Variants in SCAP observed in about 807,000 individuals in gnomAD.
SCAP encodes SREBF chaperone.
In SCAP, 65 loss-of-function variants were observed where a neutral mutation model predicts 123.6. The ratio of observed to expected loss-of-function variants is 0.53; its 90% confidence interval spans 0.43 to 0.65. The LOEUF (loss-of-function observed/expected upper bound fraction) is 0.65. Among genes scored for constraint, SCAP ranks in the 30% least tolerant of loss-of-function variants. SCAP has a pLI of 0.00. For missense variants in SCAP, 1,398 were observed against 1,712.5 expected (o/e 0.82, Z 3.24); for synonymous variants, 740 against 726.3 (o/e 1.02, Z -0.30).
At chr3:47,455,134 C>G (rs1376556467) in intron 1 of SCAP, among the ~76,000 whole-genome samples, 1 of 146,404 alleles carries the variant, frequency 6.8e-6, no homozygotes, top group African/African-American at 2.5e-5. Context: ...AAAGAATCAC[C>G]ATAAGGTAGT....
rs1217268319 is a variant in SCAP, at chr3:47,414,235, T to C, written c.3539A>G (p.Asp1180Gly). Reference protein sequence around the residue: ...TSCVISSGLDDLISIWDRSTG... With the variant: ...TSCVISSGLDGLISIWDRSTG... ...GCTGCGGTCCCAGATGCTGATGAGGTCATCCAGGCCACTGCTGATGACACA... is the reference window on the plus strand; with the variant it reads ...GCTGCGGTCCCAGATGCTGATGAGGCCATCCAGGCCACTGCTGATGACACA... The change falls in exon 22 of 23, where the codon GAC becomes GGC. Residue 1180 changes from aspartate to glycine, a missense_variant. This residue lies in a region of SCAP where 130 missense variants were observed against 166.7 expected (regional missense o/e 0.78). Transcript: ENST00000265565. 10 of 1,613,464 alleles carry C rather than the reference T, an allele frequency of 6.2e-6. No individual in the cohort carries two copies. The highest frequency in any genetic ancestry group is 8.5e-6 in the Non-Finnish European group (10 of 1,180,010).
intron 1 of SCAP, among the ~76,000 whole-genome samples, chr3:47,450,319 C>T (rs187455046): frequency 1.6e-5 from 2 of 125,338 alleles, no homozygotes; most frequent in Admixed American, 8.8e-5. Context: ...TTTCACACTA[C>T]GCCTACTGGC....
At chr3:47,463,154 CT>C (rs1707707546) in intron 1 of SCAP, among the ~76,000 whole-genome samples, 1 of 152,210 alleles carries the variant, frequency 6.6e-6, no homozygotes, top group South Asian at 2.1e-4. Flanking sequence ...AATTATACCA[CT>C]AGCTACCCTG....
intron 14 of SCAP, 28 bp downstream of exon 14, chr3:47,418,627 C>G (rs542816229): frequency 1.3e-5 from 7 of 530,382 alleles, no homozygotes; most frequent in Non-Finnish European, 2.1e-5. Context: ...CGCACTCTTT[C>G]CCACCCCACC....
At chr3:47,435,325 A>AT (rs1248414042) in intron 2 of SCAP, among the ~76,000 whole-genome samples, 188 bp from the exon 3 acceptor site, 3 of 152,198 alleles carry the variant, frequency 2.0e-5, no homozygotes, top group African/African-American at 7.2e-5. Context: ...TTTCAAACTT[A>AT]TTTTAGTCAC....
chr3:47,422,411 C>A, intron 10 of SCAP, 31 bp downstream of exon 10: 1 of 1,592,094 alleles, frequency 6.3e-7, no homozygotes, highest in Non-Finnish European at 8.6e-7. Flanking sequence ...TGCTTCCATG[C>A]TCATCCAGGT....
At chr3:47,457,838 C>A (rs1440470254) in intron 1 of SCAP, among the ~76,000 whole-genome samples, 1 of 152,028 alleles carries the variant, frequency 6.6e-6, no homozygotes, top group Non-Finnish European at 1.5e-5. Flanking sequence ...ACCCGGGAGG[C>A]GGAGCTTGCA....
At position 47,472,485 on chromosome 3, in the gene SCAP, T is replaced by TA. The variant is rs1491041028; in HGVS notation, c.-99+3313dup. Among the ~76,000 whole-genome samples the TA allele has an allele frequency of 3.6e-3, 451 of 125,684 alleles. 1 individual carries two copies. The highest frequency in any genetic ancestry group is 6.1e-3 in the Admixed American group (76 of 12,498). The allele number at this position is 125,684 out of a possible 152,430, so 82.5% of individuals were successfully genotyped here. On this transcript the variant is annotated intron_variant, in intron 1 of 22. Transcript: ENST00000265565. ...AAATAATAATAATAATAATAATAAT[T>TA]AAATGAAGCTGAAATAAACAGGAAA...
At chr3:47,471,611 T>G (rs1301548944) in intron 1 of SCAP, among the ~76,000 whole-genome samples, 3 of 152,032 alleles carry the variant, frequency 2.0e-5, no homozygotes, top group African/African-American at 7.2e-5. Context: ...CCTCAGGTGA[T>G]CCACCCTCCT....
chr3:47,432,728 A>T (rs1291447161), intron 3 of SCAP, among the ~76,000 whole-genome samples: 2 of 152,000 alleles, frequency 1.3e-5, no homozygotes, highest in Non-Finnish European at 2.9e-5. Flanking sequence ...CCCCAGCTGG[A>T]CTGCAATGGT....
chr3:47,436,964 T>C (rs1706602220), intron 2 of SCAP, among the ~76,000 whole-genome samples: 1 of 152,228 alleles, frequency 6.6e-6, no homozygotes, highest in Admixed American at 6.5e-5. Context: ...TTCATTCTAC[T>C]TATATACTCT....
chr3:47,428,270 C>T (rs1204900954), intron 4 of SCAP, among the ~76,000 whole-genome samples: 1 of 152,130 alleles, frequency 6.6e-6, no homozygotes, highest in South Asian at 2.1e-4. Flanking sequence ...GACACTGACT[C>T]CATCTGAGAT....
rs1336090215 is a variant in SCAP, at chr3:47,417,461, G to C, written c.2813C>G (p.Pro938Arg). Residue 938 changes from proline to arginine, a missense_variant, in exon 17 of 23, where the codon CCT becomes CGT. Physicochemically the swap from Pro to Arg is moderately radical, Grantham distance 103 (BLOSUM62 -2). Around this residue, in one of 7 missense-constraint regions of SCAP, gnomAD observed 828 missense variants for 882.5 expected, o/e 0.94. Coordinates refer to ENST00000265565, the MANE Select transcript of SCAP (RefSeq NM_012235.4). ...VCTPALRPPSPGPVLSQAPED... is the reference protein window; with the variant it reads ...VCTPALRPPSRGPVLSQAPED... ...AGGGGCCTGGGACAGCACCGGCCCAGGCGAGGGTGGGCGCAGGGCTGGTGT... is the reference window on the plus strand; with the variant it reads ...AGGGGCCTGGGACAGCACCGGCCCACGCGAGGGTGGGCGCAGGGCTGGTGT... The C allele has an allele frequency of 6.4e-7, 1 of 1,550,734 alleles. No individual in the cohort carries two copies. Among genetic ancestry groups the C allele is most frequent in the Non-Finnish European group, 8.7e-7 (1 of 1,147,724 alleles).
At chr3:47,467,456 T>G (rs1707866652) in intron 1 of SCAP, among the ~76,000 whole-genome samples, 1 of 151,676 alleles carries the variant, frequency 6.6e-6, no homozygotes, top group Non-Finnish European at 1.5e-5. Context: ...AATATGAATA[T>G]AAGCCAGGCA....
intron 18 of SCAP, among the ~76,000 whole-genome samples, chr3:47,415,859 G>T (rs1255105544): frequency 6.6e-6 from 1 of 152,212 alleles, no homozygotes; most frequent in Non-Finnish European, 1.5e-5. Flanking sequence ...ATGATTGGAA[G>T]TGGGTGGACA....
At chr3:47,418,935 C>G in intron 13 of SCAP, 92 bp from the exon 14 acceptor site, 1 of 1,308,764 alleles carries the variant, frequency 7.6e-7, no homozygotes, top group Non-Finnish European at 1.0e-6. Flanking sequence ...CCTCCCCAGG[C>G]AGGCCTCAGC....
chr3:47,452,926 CA>C (rs5848834), intron 1 of SCAP, among the ~76,000 whole-genome samples: 138,383 of 145,236 alleles, frequency 0.95, 66,153 homozygotes, highest in East Asian at 1. Flanking sequence ...CCTGTCTCTA[CA>C]AAAAAAAAAA....
intron 2 of SCAP, among the ~76,000 whole-genome samples, chr3:47,440,938 T>G (rs1706774807): frequency 6.6e-6 from 1 of 151,850 alleles, no homozygotes; most frequent in African/African-American, 2.4e-5. Context: ...AGTCTCACTC[T>G]TTCGCCAGGC....
Position 47,414,268 on chromosome 3 carries a change from G to A in SCAP, c.3506C>T (p.Thr1169Ile). Residue 1169 changes from threonine (T) to isoleucine (I), a missense_variant, in exon 22 of 23, where the codon ACC becomes ATC. Physicochemically the swap from Thr to Ile is moderately conservative, Grantham distance 89 (BLOSUM62 -1). Around this residue, in one of 7 missense-constraint regions of SCAP, gnomAD observed 130 missense variants for 166.7 expected, o/e 0.78. Coordinates refer to ENST00000265565, the MANE Select transcript of SCAP (RefSeq NM_012235.4). ...GCCACTGCTGATGACACAGGAGGTG[G>A]TACAGGTAAGGGAGGTGACATCCCC... ...HRGDVTSLTC[T>I]TSCVISSGLD... The A allele has an allele frequency of 6.2e-7, 1 of 1,613,536 alleles. No individual in the cohort carries two copies. Among genetic ancestry groups the A allele is most frequent in the South Asian group, 1.1e-5 (1 of 91,084 alleles).
Sources: allele counts gnomAD v4.1 joint callset (sites outside exome capture counted in the v4.1 genomes callset), GRCh38; gene constraint gnomAD v4.1.1; regional missense constraint gnomAD v4.1.1; transcripts MANE v1.5; gene names NCBI Gene and HGNC (gene_info 2026-07-23, HGNC 2026-07-21).